The following SLC25A48 variants were observed in gnomAD, a reference collection of about 807,000 sequenced individuals.
SLC25A48 encodes the protein CTC-321K16.1.
In SLC25A48, 29 loss-of-function variants were observed where a neutral mutation model predicts 32.2. That is an observed-to-expected ratio of 0.90 (90% confidence interval 0.67 to 1.23). The LOEUF (loss-of-function observed/expected upper bound fraction) is 1.23. SLC25A48 is among the 50% of genes most tolerant of loss of function. The pLI is 0.00. For synonymous variants in SLC25A48, 164 were observed against 172.3 expected, an observed-to-expected ratio of 0.95 and a Z score of 0.38; for missense variants, 399 against 422.7, an observed-to-expected ratio of 0.94 and a Z score of 0.49.
intron 5 of SLC25A48, 25 bp downstream of exon 5, chr5:135,871,743 G>A (rs776507613): frequency 1.6e-5 from 26 of 1,610,180 alleles, no homozygotes; most frequent in Middle Eastern, 3.3e-4. Flanking sequence ...AGCTGGAGCC[G>A]CACCCCTGTG....
At chr5:135,779,291 G>T (rs1756660600) in intron 3 of SLC25A48, among the ~76,000 whole-genome samples, 1 of 151,526 alleles carries the variant, frequency 6.6e-6, no homozygotes, top group African/African-American at 2.4e-5. Flanking sequence ...TTGCAGAGGT[G>T]AACACTCCCC....
chr5:135,584,995 C>G (rs2126871761), intron 1 of SLC25A48, among the ~76,000 whole-genome samples: 1 of 152,354 alleles, frequency 6.6e-6, no homozygotes, highest in Admixed American at 6.5e-5. Context: ...GCAGTTGATT[C>G]AGCGAGGGCT....
intron 3 of SLC25A48, among the ~76,000 whole-genome samples, chr5:135,747,478 T>C (rs557327264): frequency 6.6e-6 from 1 of 152,252 alleles, no homozygotes; most frequent in South Asian, 2.1e-4. Flanking sequence ...ACAACTTCTT[T>C]GAGCATTTTC....
rs1411567440 is a variant in SLC25A48, at chr5:135,834,703, T to C, written c.-145T>C. On this transcript the variant is annotated 5_prime_UTR_variant, in exon 1 of 8. Coordinates refer to ENST00000681962, the MANE Select transcript of SLC25A48 (RefSeq NM_001349336.2). ...CGCGGCAGCCCGCGCAGCCGGTGAC[T>C]GGGGGACTGGGTTTGGAGTAGGACC... 1.8e-5 allele frequency: 16 copies of C among 874,376 alleles called. No individual in the cohort carries two copies. Among genetic ancestry groups the C allele is most frequent in the Non-Finnish European group, 2.6e-5 (15 of 584,752 alleles). The allele number at this position is 874,376 out of a possible 1,614,324, so 54.2% of individuals were successfully genotyped here. A position where few individuals can be genotyped will look rare whatever the true frequency, so the allele number is the denominator to read the frequency against.
chr5:135,605,681 G>A (rs942092347), intron 1 of SLC25A48, among the ~76,000 whole-genome samples: 2 of 152,232 alleles, frequency 1.3e-5, no homozygotes, highest in African/African-American at 4.8e-5. Flanking sequence ...ATCTTTGGAA[G>A]TGGTAGTGAA....
intron 3 of SLC25A48, among the ~76,000 whole-genome samples, chr5:135,735,096 A>C (rs4312874): frequency 0.76 from 116,169 of 152,082 alleles, 44,931 homozygotes; most frequent in Middle Eastern, 0.87. Flanking sequence ...TCCCAGGCTG[A>C]GGGCATTCCT....
chr5:135,777,359 C>T (rs1379406652), intron 3 of SLC25A48, among the ~76,000 whole-genome samples: 1 of 151,766 alleles, frequency 6.6e-6, no homozygotes, highest in Non-Finnish European at 1.5e-5. Context: ...GAGGATATTA[C>T]TCCCAATATT....
intron 1 of SLC25A48, among the ~76,000 whole-genome samples, chr5:135,606,844 G>T (rs553731360): frequency 6.6e-6 from 1 of 152,212 alleles, no homozygotes; most frequent in Admixed American, 6.5e-5. Flanking sequence ...TGCTTTGAAC[G>T]TGTATTTGAT....
At chr5:135,614,872 G>C (rs1053337481) in intron 1 of SLC25A48, among the ~76,000 whole-genome samples, 1 of 152,126 alleles carries the variant, frequency 6.6e-6, no homozygotes, top group Non-Finnish European at 1.5e-5. Context: ...TTCTGTTCTC[G>C]TGATAGTGAG....
upstream of SLC25A48, among the ~76,000 whole-genome samples, chr5:135,833,707 T>C (rs1758295321): frequency 6.6e-6 from 1 of 152,188 alleles, no homozygotes; most frequent in African/African-American, 2.4e-5. Flanking sequence ...ACTCTCTGTG[T>C]GCCGGGGCAG....
intron 3 of SLC25A48, among the ~76,000 whole-genome samples, chr5:135,647,321 T>A (rs1276756847): frequency 6.6e-6 from 1 of 152,108 alleles, no homozygotes; most frequent in African/African-American, 2.4e-5. Flanking sequence ...GGGCACCGCA[T>A]TATATTTAGA....
At chr5:135,871,340 TA>T in intron 4 of SLC25A48, 120 bp from the exon 5 acceptor site, 2 of 1,235,942 alleles carry the variant, frequency 1.6e-6, no homozygotes, top group African/African-American at 1.5e-5. Context: ...TCAGATTTGG[TA>T]AAAGCTGATG....
intron 3 of SLC25A48, among the ~76,000 whole-genome samples, chr5:135,656,574 A>T (rs1753254733): frequency 6.6e-6 from 1 of 152,144 alleles, no homozygotes; most frequent in Non-Finnish European, 1.5e-5. Flanking sequence ...CCTCCAAAAT[A>T]GACATGTTGA....
chr5:135,689,965 G>A (rs1191205935), intron 3 of SLC25A48, among the ~76,000 whole-genome samples: 3 of 152,190 alleles, frequency 2.0e-5, no homozygotes, highest in Admixed American at 6.5e-5. Context: ...GACGAGGACT[G>A]GGTAAGGAGA....
At chr5:135,611,597 A>G (rs917738059) in intron 1 of SLC25A48, among the ~76,000 whole-genome samples, 1 of 151,376 alleles carries the variant, frequency 6.6e-6, no homozygotes, top group Non-Finnish European at 1.5e-5. Context: ...CAATAATCCC[A>G]GCTACTAGGG....
At chr5:135,591,816 C>T (rs959452539) in intron 1 of SLC25A48, among the ~76,000 whole-genome samples, 6 of 152,188 alleles carry the variant, frequency 3.9e-5, no homozygotes, top group African/African-American at 1.2e-4. Flanking sequence ...CGTTGACACC[C>T]ACCTTACCTT....
At chr5:135,775,041 G>A in intron 3 of SLC25A48, among the ~76,000 whole-genome samples, 1 of 151,712 alleles carries the variant, frequency 6.6e-6, no homozygotes, top group East Asian at 1.9e-4. Flanking sequence ...CCCAAAGGAT[G>A]TACACACACC....
At chr5:135,674,549 G>A (rs561062407) in intron 3 of SLC25A48, among the ~76,000 whole-genome samples, 2 of 151,326 alleles carry the variant, frequency 1.3e-5, no homozygotes, top group East Asian at 1.9e-4. Flanking sequence ...GTCTTTCTGT[G>A]CCTTTTTTTT....
chr5:135,810,693 G>T (rs1757572794), intron 3 of SLC25A48, among the ~76,000 whole-genome samples: 1 of 152,168 alleles, frequency 6.6e-6, no homozygotes, highest in Non-Finnish European at 1.5e-5. Context: ...TATATTGCAA[G>T]TCCCTGTGTG....
Sources: allele counts gnomAD v4.1 joint callset (sites outside exome capture counted in the v4.1 genomes callset), GRCh38; gene constraint gnomAD v4.1.1; transcripts MANE v1.5; gene names NCBI Gene and HGNC (gene_info 2026-07-23, HGNC 2026-07-21).